Variants in COL23A1 observed in about 807,000 individuals in gnomAD.
The protein encoded by COL23A1 is collagen type XXIII alpha 1 chain.
COL23A1 carries 97 observed loss-of-function variants against 99.3 expected under a neutral mutation model. That is an observed-to-expected ratio of 0.98 (90% confidence interval 0.83 to 1.16). COL23A1 has a LOEUF of 1.16. COL23A1 is among the 50% of genes most tolerant of loss of function. The pLI is 0.00. For synonymous variants in COL23A1, 320 were observed against 308.2 expected, an observed-to-expected ratio of 1.04 and a Z score of -0.40; for missense variants, 762 against 757.4, an observed-to-expected ratio of 1.01 and a Z score of -0.07.
chr5:178,305,796 G>C lies in COL23A1; in HGVS notation c.406+1079C>G, dbSNP rs533471709. 2.0e-5 allele frequency among the ~76,000 whole-genome samples: 3 copies of C among 152,228 alleles called. No individual in the cohort carries two copies. In the South Asian group the frequency reaches 6.2e-4, roughly 32 times the overall value. Reference sequence around the variant, plus strand: ...CTGCAGGAGGTCACGGCAGTGAGAAGAGAGAAGAGGACATGGGTCCGAGAC... The same window carrying C: ...CTGCAGGAGGTCACGGCAGTGAGAACAGAGAAGAGGACATGGGTCCGAGAC... On this transcript the variant is annotated intron_variant, in intron 3 of 28. Coordinates refer to ENST00000390654, the MANE Select transcript of COL23A1 (RefSeq NM_173465.4).
At chr5:178,287,024 G>C (rs371340501) in intron 5 of COL23A1, among the ~76,000 whole-genome samples, 140 of 152,374 alleles carry the variant, frequency 9.2e-4, no homozygotes, top group African/African-American at 2.9e-3. Context: ...CTGGTACAGC[G>C]AATAATGCCA....
Position 178,281,599 on chromosome 5 carries a change from C to T in COL23A1, c.441+6725G>A, listed in dbSNP as rs1297766137. On this transcript the variant is annotated intron_variant, in intron 5 of 28. Transcript: ENST00000390654. The surrounding 1 kb of genome is among the most constrained non-coding windows in gnomAD (Gnocchi z 4.0). Reference sequence around the variant, plus strand: ...CTCAGAGCTGACCTGTGACGCCTGCCAGCCCTCGTTTCTGTTAGTCATTCA... The same window carrying T: ...CTCAGAGCTGACCTGTGACGCCTGCTAGCCCTCGTTTCTGTTAGTCATTCA... 8.5e-5 allele frequency among the ~76,000 whole-genome samples: 13 copies of T among 152,204 alleles called. No homozygotes were observed. The highest frequency in any genetic ancestry group is 8.5e-4 in the Admixed American group (13 of 15,288).
rs112115122 is a variant in COL23A1 at position 178,589,735 on chromosome 5, T to A, written c.294+169A>T. On this transcript the variant is annotated intron_variant, in intron 1 of 28. Coordinates refer to ENST00000390654, the MANE Select transcript of COL23A1 (RefSeq NM_173465.4). The surrounding 1 kb of genome is among the most constrained non-coding windows in gnomAD (Gnocchi z 5.4). Reference sequence around the variant, plus strand: ...AAAACCCCTTGGGGCCGGCACCCCCTGCCTCCGCCTTGGCGCAGACGTGCC... The same window carrying A: ...AAAACCCCTTGGGGCCGGCACCCCCAGCCTCCGCCTTGGCGCAGACGTGCC... Among the ~76,000 whole-genome samples, 4,828 of 151,952 alleles carry A rather than the reference T, an allele frequency of 0.032. 177 individuals carry two copies. Among genetic ancestry groups the A allele is most frequent in the African/African-American group, 0.082 (3,384 of 41,434 alleles).
At chr5:178,381,063 C>A (rs1010402785) in intron 2 of COL23A1, among the ~76,000 whole-genome samples, 7 of 152,238 alleles carry the variant, frequency 4.6e-5, no homozygotes, top group Non-Finnish European at 7.3e-5. Context: ...AATCAAGGGG[C>A]CCTGGCCTAC....
chr5:178,297,862 T>C (rs1057306836), intron 3 of COL23A1, among the ~76,000 whole-genome samples: 1 of 152,150 alleles, frequency 6.6e-6, no homozygotes, highest in Non-Finnish European at 1.5e-5. Context: ...CCTCTGCACT[T>C]GACTTCTTGT....
chr5:178,382,774 G>A (rs1763452089), intron 2 of COL23A1, among the ~76,000 whole-genome samples: 1 of 152,230 alleles, frequency 6.6e-6, no homozygotes, highest in African/African-American at 2.4e-5. Context: ...AGCTCAGGGA[G>A]ACGGTTCAGA....
chr5:178,246,528 C>T, intron 22 of COL23A1, 75 bp from the exon 23 acceptor site: 1 of 1,437,628 alleles, frequency 7.0e-7, no homozygotes, highest in Non-Finnish European at 9.5e-7. Flanking sequence ...TTGGAGACTG[C>T]AAGGGAGCTG....
chr5:178,476,914 T>C (rs768813616), intron 2 of COL23A1, among the ~76,000 whole-genome samples: 7 of 152,240 alleles, frequency 4.6e-5, no homozygotes, highest in Non-Finnish European at 7.3e-5. Flanking sequence ...ATTCCAAATA[T>C]AAAGTGGTAG....
At chr5:178,509,267 G>A (rs998094255) in intron 2 of COL23A1, among the ~76,000 whole-genome samples, 7 of 151,152 alleles carry the variant, frequency 4.6e-5, no homozygotes, top group African/African-American at 1.7e-4. Context: ...TGTTGCCCAG[G>A]CTGGAGTGCA....
chr5:178,484,508 T>C (rs182247687), intron 2 of COL23A1, among the ~76,000 whole-genome samples: 125 of 152,204 alleles, frequency 8.2e-4, no homozygotes, highest in African/African-American at 2.9e-3. Context: ...GACTAGTGTG[T>C]CTGGCTCCCG....
At chr5:178,392,627 C>T (rs539513189) in intron 2 of COL23A1, among the ~76,000 whole-genome samples, 1 of 152,316 alleles carries the variant, frequency 6.6e-6, no homozygotes, top group South Asian at 2.1e-4. Flanking sequence ...ATGGCAGGGT[C>T]CAGCGGACAA....
At chr5:178,245,775 G>A (rs1487539390) in intron 25 of COL23A1, among the ~76,000 whole-genome samples, 167 bp downstream of exon 25, 2 of 152,176 alleles carry the variant, frequency 1.3e-5, no homozygotes, top group Admixed American at 1.3e-4. Context: ...ACCTACTCTG[G>A]GTCGTGCACT....
chr5:178,479,825 C>T (rs1381444588), intron 2 of COL23A1, among the ~76,000 whole-genome samples: 2 of 152,130 alleles, frequency 1.3e-5, no homozygotes, highest in Non-Finnish European at 2.9e-5. Context: ...TGACAGGATG[C>T]ATTCTGAGAA....
chr5:178,560,638 G>A, intron 2 of COL23A1, 44 bp downstream of exon 2: 4 of 1,572,970 alleles, frequency 2.5e-6, no homozygotes, highest in Non-Finnish European at 2.6e-6. Context: ...CAAGCAAACG[G>A]CGGCCGAACG....
At chr5:178,442,406 T>C (rs575370421) in intron 2 of COL23A1, among the ~76,000 whole-genome samples, 1 of 152,342 alleles carries the variant, frequency 6.6e-6, no homozygotes, top group Admixed American at 6.5e-5. Context: ...AATGTCATCA[T>C]TTAAATTATG....
intron 2 of COL23A1, among the ~76,000 whole-genome samples, chr5:178,546,660 C>T (rs1036321684): frequency 6.6e-6 from 1 of 152,154 alleles, no homozygotes; most frequent in African/African-American, 2.4e-5. Context: ...GATGAGGGAA[C>T]CAAATGCAAG....
intron 2 of COL23A1, among the ~76,000 whole-genome samples, chr5:178,490,773 T>C (rs1757890691): frequency 6.6e-6 from 1 of 152,036 alleles, no homozygotes; most frequent in East Asian, 1.9e-4. Flanking sequence ...CGAGACCCTG[T>C]CTCAAAAGAA....
chr5:178,359,785 G>A (rs1168716132), intron 2 of COL23A1, among the ~76,000 whole-genome samples: 19 of 152,224 alleles, frequency 1.2e-4, no homozygotes, highest in Non-Finnish European at 5.9e-5. Context: ...GAAGGGAAAG[G>A]AGGACAGACA....
At chr5:178,333,489 C>A (rs1581170391) in intron 2 of COL23A1, among the ~76,000 whole-genome samples, 1 of 152,184 alleles carries the variant, frequency 6.6e-6, no homozygotes, top group African/African-American at 2.4e-5. Flanking sequence ...TGCCTCCCCA[C>A]CCAGCCACGC....
Sources: gnomAD v4.1 joint callset for allele counts (sites outside exome capture counted in the v4.1 genomes callset) on GRCh38, gnomAD v4.1.1 for gene constraint, Gnocchi (gnomAD v3.1) non-coding constraint, MANE v1.5 for transcripts, NCBI Gene and HGNC (gene_info 2026-07-23, HGNC 2026-07-21) for gene names.